The following VWC2 variants were observed in gnomAD, a reference collection of about 807,000 sequenced individuals.
VWC2 encodes the protein von Willebrand factor C domain containing 2.
Under a neutral mutation model 29.8 loss-of-function variants are expected in VWC2, and 14 were observed. That is an observed-to-expected ratio of 0.47 (90% CI 0.31 to 0.74). The LOEUF (loss-of-function observed/expected upper bound fraction) is 0.74. VWC2 is among the 30% of genes least tolerant of loss of function. The probability of loss-of-function intolerance (pLI) is 0.05; values close to 1 mark genes in which losing one functional copy is unlikely to be tolerated. For synonymous variants in VWC2, 213 were observed against 199.0 expected (o/e 1.07, Z -0.59); for missense variants, 457 against 459.8 (o/e 0.99, Z 0.05).
At chr7:49,855,181 T>C (rs1790364666) in intron 3 of VWC2, among the ~76,000 whole-genome samples, 1 of 152,258 alleles carries the variant, frequency 6.6e-6, no homozygotes. Context: ...TCATATTTCT[T>C]AGTTCCCAAA....
intron 3 of VWC2, among the ~76,000 whole-genome samples, chr7:49,903,603 T>C (rs1792898740): frequency 6.6e-6 from 1 of 152,176 alleles, no homozygotes; most frequent in Non-Finnish European, 1.5e-5. Context: ...CCAGAGAAGG[T>C]GCAGTGTGAC....
intron 3 of VWC2, among the ~76,000 whole-genome samples, chr7:49,874,330 C>A (rs1481488301): frequency 1.3e-5 from 2 of 152,148 alleles, no homozygotes; most frequent in East Asian, 3.9e-4. Flanking sequence ...CAAATCTTTA[C>A]CATTGTGTAA....
At chr7:49,854,384 G>A (rs888020592) in intron 3 of VWC2, among the ~76,000 whole-genome samples, 1 of 152,078 alleles carries the variant, frequency 6.6e-6, no homozygotes, top group Non-Finnish European at 1.5e-5. Flanking sequence ...GTTGTTTCCT[G>A]ACTTTTTAAT....
At chr7:49,799,065 T>C (rs982970398) in intron 2 of VWC2, among the ~76,000 whole-genome samples, 4 of 151,476 alleles carry the variant, frequency 2.6e-5, no homozygotes, top group Non-Finnish European at 5.9e-5. Flanking sequence ...GCTCAGGGGG[T>C]TGGCATGGCT....
At chr7:49,816,325 A>G (rs1220727735) in intron 3 of VWC2, among the ~76,000 whole-genome samples, 1 of 152,210 alleles carries the variant, frequency 6.6e-6, no homozygotes, top group African/African-American at 2.4e-5. Context: ...AGGGTGTCTG[A>G]AAAGAGGCTA....
intron 3 of VWC2, among the ~76,000 whole-genome samples, chr7:49,903,351 T>C (rs1792882692): frequency 6.6e-6 from 1 of 152,212 alleles, no homozygotes; most frequent in East Asian, 1.9e-4. Context: ...TGCCACTCAG[T>C]TGTTAAATTA....
chr7:49,782,591 T>C (rs1788201756), intron 2 of VWC2, among the ~76,000 whole-genome samples: 1 of 150,318 alleles, frequency 6.7e-6, no homozygotes, highest in South Asian at 2.1e-4. Context: ...ATCCCTGTAA[T>C]CCCAGCACTT....
chr7:49,883,016 C>G (rs1279717573), intron 3 of VWC2, among the ~76,000 whole-genome samples: 1 of 152,042 alleles, frequency 6.6e-6, no homozygotes, highest in Non-Finnish European at 1.5e-5. Context: ...TGCTTGCTAC[C>G]TGGATTAACA....
intron 2 of VWC2, among the ~76,000 whole-genome samples, chr7:49,788,624 T>A (rs1251609007): frequency 6.7e-6 from 1 of 149,072 alleles, no homozygotes; most frequent in Non-Finnish European, 1.5e-5. Flanking sequence ...GTGGTGGGTG[T>A]GTGAGTGAGT....
intron 2 of VWC2, 47 bp downstream of exon 2, chr7:49,776,178 G>T: frequency 6.9e-7 from 1 of 1,444,584 alleles, no homozygotes; most frequent in South Asian, 1.4e-5. Context: ...TCCAGGAAGG[G>T]GTGGAACAGC....
chr7:49,808,902 T>C (rs1788934424), intron 3 of VWC2, among the ~76,000 whole-genome samples: 1 of 151,996 alleles, frequency 6.6e-6, no homozygotes, highest in Non-Finnish European at 1.5e-5. Context: ...AGGAAATGTA[T>C]AGATTTAAAG....
chr7:49,912,201 C>T lies in VWC2; in HGVS notation c.*16C>T. 9 of 1,612,890 alleles carry T rather than the reference C, an allele frequency of 5.6e-6. No individual in the cohort carries two copies. The highest frequency in any genetic ancestry group is 1.1e-5 in the South Asian group (1 of 90,942). ...GCAAATGTAGACGCTTCCCAGAACA[C>T]AAACTCTGACTTTTTCTAGAACATT... On this transcript the variant is annotated 3_prime_UTR_variant, in exon 4 of 4. Transcript: ENST00000340652.
intron 3 of VWC2, among the ~76,000 whole-genome samples, chr7:49,867,694 G>C (rs1583710779): frequency 6.6e-6 from 1 of 152,094 alleles, no homozygotes; most frequent in Admixed American, 6.5e-5. Flanking sequence ...TGGACCCAAG[G>C]CTCACCTGTC....
intron 3 of VWC2, among the ~76,000 whole-genome samples, chr7:49,815,802 T>A (rs912494509): frequency 6.6e-6 from 1 of 152,226 alleles, no homozygotes; most frequent in Admixed American, 6.5e-5. Context: ...GGCTGCTTTG[T>A]GTCAATTAAA....
chr7:49,898,946 G>A (rs4917098), intron 3 of VWC2, among the ~76,000 whole-genome samples: 116,573 of 151,986 alleles, frequency 0.77, 44,910 homozygotes, highest in East Asian at 0.89. Flanking sequence ...GGAACAAAGA[G>A]CAAGTGCAAC....
intron 3 of VWC2, among the ~76,000 whole-genome samples, chr7:49,853,728 A>C (rs560857103): frequency 6.6e-6 from 1 of 151,608 alleles, no homozygotes; most frequent in South Asian, 2.1e-4. Flanking sequence ...TTATTTTTTT[A>C]TTATACTTTA....
chr7:49,783,875 C>A (rs1788233671), intron 2 of VWC2, among the ~76,000 whole-genome samples: 1 of 151,634 alleles, frequency 6.6e-6, no homozygotes, highest in African/African-American at 2.4e-5. Flanking sequence ...CATAGTGAGA[C>A]CCTGTCTCTA....
At chr7:49,873,667 T>G (rs1377230823) in intron 3 of VWC2, among the ~76,000 whole-genome samples, 2 of 152,232 alleles carry the variant, frequency 1.3e-5, no homozygotes, top group Non-Finnish European at 2.9e-5. Context: ...GCAGTAATCA[T>G]GAATTTTTGC....
intron 3 of VWC2, among the ~76,000 whole-genome samples, chr7:49,849,653 G>A (rs1031081289): frequency 1.3e-5 from 2 of 152,182 alleles, no homozygotes; most frequent in African/African-American, 2.4e-5. Context: ...AGAGTCTAAC[G>A]CTGGGTGCTT....
Sources: gnomAD v4.1 joint callset for allele counts (sites outside exome capture counted in the v4.1 genomes callset) on GRCh38, gnomAD v4.1.1 for gene constraint, MANE v1.5 for transcripts, NCBI Gene and HGNC (gene_info 2026-07-23, HGNC 2026-07-21) for gene names.